Variants in TIAM2 observed in about 807,000 individuals in gnomAD.
TIAM2 encodes rho guanine nucleotide exchange factor TIAM2.
In TIAM2, 80 loss-of-function variants were observed where a neutral mutation model predicts 152.9. That is an observed-to-expected ratio of 0.52 (90% CI 0.44 to 0.63). The LOEUF (loss-of-function observed/expected upper bound fraction) is 0.63, where lower values mean the gene tolerates loss of function less well. Among genes scored for constraint, TIAM2 ranks in the 30% least tolerant of loss-of-function variants. The pLI, the probability that TIAM2 is intolerant of heterozygous loss-of-function variation, is 0.00. For missense variants in TIAM2, 1,965 were observed against 2,120.1 expected (o/e 0.93, Z 1.44); for synonymous variants, 804 against 838.0 (o/e 0.96, Z 0.70).
chr6:155,130,506 G>T, intron 4 of TIAM2, 89 bp downstream of exon 4: 2 of 1,257,026 alleles, frequency 1.6e-6, no homozygotes, highest in East Asian at 2.5e-5. Flanking sequence ...ATAGAGTGTT[G>T]TCGGGGTGCT....
rs796290511 is a variant in TIAM2 at position 155,207,503 on chromosome 6, C to T, written c.3065-3701C>T. 3.3e-5 allele frequency among the ~76,000 whole-genome samples: 5 copies of T among 152,352 alleles called. No individual in the cohort carries two copies. The South Asian group carries it at 1.0e-3, about 32-fold the overall frequency. ...TGGGGGAAACTTGGGCAGTAGAACACCGCTGAGATTTCCTGTCTTGGCGGA... is the reference window on the plus strand; with the variant it reads ...TGGGGGAAACTTGGGCAGTAGAACATCGCTGAGATTTCCTGTCTTGGCGGA... On this transcript the variant is annotated intron_variant, in intron 14 of 26. Coordinates refer to ENST00000682666, the MANE Select transcript of TIAM2 (RefSeq NM_012454.4).
intron 2 of TIAM2, among the ~76,000 whole-genome samples, chr6:155,092,558 A>G (rs1255636850): frequency 1.3e-5 from 2 of 152,162 alleles, no homozygotes; most frequent in Non-Finnish European, 2.9e-5. Flanking sequence ...TATATTCAAT[A>G]TACAAATTAG....
At chr6:155,147,220 A>G (rs1470024928) in intron 6 of TIAM2, among the ~76,000 whole-genome samples, 5 of 117,070 alleles carry the variant, frequency 4.3e-5, no homozygotes, top group African/African-American at 1.6e-4. Flanking sequence ...ATGTAATTTT[A>G]TATCCAGGTT....
At chr6:155,081,364 G>T (rs1037053277) in intron 1 of TIAM2, among the ~76,000 whole-genome samples, 1 of 151,322 alleles carries the variant, frequency 6.6e-6, no homozygotes, top group African/African-American at 2.4e-5. Context: ...ATTGGGAAAG[G>T]GATCATTGGT....
chr6:155,032,697 C>T (rs904925550), intron 1 of TIAM2, among the ~76,000 whole-genome samples: 6 of 152,110 alleles, frequency 3.9e-5, no homozygotes, highest in East Asian at 1.9e-4. Flanking sequence ...CCTGCCACCA[C>T]GCCCAGCTAA....
At chr6:155,057,838 G>A (rs188050123) in intron 1 of TIAM2, among the ~76,000 whole-genome samples, 6 of 152,074 alleles carry the variant, frequency 3.9e-5, no homozygotes, top group South Asian at 4.2e-4. Flanking sequence ...GAGCCACCGC[G>A]CCTGGCCCCA....
chr6:155,180,378 T>C (rs1049209948), intron 12 of TIAM2, among the ~76,000 whole-genome samples: 1 of 152,200 alleles, frequency 6.6e-6, no homozygotes, highest in Non-Finnish European at 1.5e-5. Context: ...GATTAGATAA[T>C]GATTGGTAAA....
intron 1 of TIAM2, among the ~76,000 whole-genome samples, chr6:155,069,208 C>T (rs1430708041): frequency 2.0e-5 from 3 of 152,206 alleles, no homozygotes; most frequent in African/African-American, 4.8e-5. Flanking sequence ...GATTCTCCTG[C>T]TTCAGCCACC....
chr6:155,024,093 A>T (rs1776552394), intron 1 of TIAM2, among the ~76,000 whole-genome samples: 1 of 152,158 alleles, frequency 6.6e-6, no homozygotes, highest in Admixed American at 6.5e-5. Context: ...GGAATTAAGG[A>T]GCTGAGCTGG....
In TIAM2 at chr6:155,214,555, T is replaced by C. The variant is rs1781806650; in HGVS notation, c.3168+3248T>C. Reference sequence around the variant, plus strand: ...TCCAAATTTCTCCTCCCTCTCCTCCTCATTCCTCATGCAAAGCAAATGCTC... The same window carrying C: ...TCCAAATTTCTCCTCCCTCTCCTCCCCATTCCTCATGCAAAGCAAATGCTC... On this transcript the variant is annotated intron_variant, in intron 15 of 26. Coordinates refer to ENST00000682666, the MANE Select transcript of TIAM2 (RefSeq NM_012454.4). This position sits in a 1 kb window ranked among gnomAD's most constrained non-coding sequence, Gnocchi z 5.4. Among the ~76,000 whole-genome samples the C allele has an allele frequency of 1.3e-5, 2 of 152,196 alleles. No homozygotes were observed. Among genetic ancestry groups the C allele is most frequent in the African/African-American group, 2.4e-5 (1 of 41,450 alleles).
intron 21 of TIAM2, chr6:155,250,605 T>C (rs1783597561): frequency 6.5e-7 from 1 of 1,536,106 alleles, no homozygotes; most frequent in South Asian, 1.2e-5. Context: ...AAAGGCACTC[T>C]GGAAGAACCA....
At chr6:155,228,980 T>C (rs1191920960) in intron 15 of TIAM2, among the ~76,000 whole-genome samples, 1 of 152,228 alleles carries the variant, frequency 6.6e-6, no homozygotes, top group Non-Finnish European at 1.5e-5. Context: ...GATTTGCCAC[T>C]TGGGACATGC....
chr6:155,226,208 C>A (rs1031578817), intron 15 of TIAM2, among the ~76,000 whole-genome samples: 11 of 152,338 alleles, frequency 7.2e-5, no homozygotes, highest in African/African-American at 2.6e-4. Flanking sequence ...ATCTTTGATC[C>A]ATGAAACCTG....
chr6:155,066,124 A>G (rs1013701063), intron 1 of TIAM2, among the ~76,000 whole-genome samples: 2 of 150,112 alleles, frequency 1.3e-5, no homozygotes, highest in East Asian at 2.0e-4. Flanking sequence ...GGCCTTCTCC[A>G]CTGAGACGGC....
At chr6:155,136,470 C>T (rs746410636) in intron 4 of TIAM2, among the ~76,000 whole-genome samples, 2 of 151,904 alleles carry the variant, frequency 1.3e-5, no homozygotes, top group Non-Finnish European at 2.9e-5. Flanking sequence ...AGACGGGTTT[C>T]ACCATGTTGG....
chr6:155,016,963 G>C (rs188445021), intron 1 of TIAM2, among the ~76,000 whole-genome samples: 1 of 152,304 alleles, frequency 6.6e-6, no homozygotes, highest in East Asian at 1.9e-4. Context: ...GATATCACCT[G>C]AGCATGAAGG....
intron 2 of TIAM2, among the ~76,000 whole-genome samples, chr6:155,101,856 C>A (rs1778556513): frequency 6.6e-6 from 1 of 152,076 alleles, no homozygotes; most frequent in South Asian, 2.1e-4. Context: ...TGGACACTGC[C>A]ACGCCTGGCT....
At chr6:155,028,215 G>T (rs1306630615) in intron 1 of TIAM2, among the ~76,000 whole-genome samples, 1 of 120,962 alleles carries the variant, frequency 8.3e-6, no homozygotes, top group Admixed American at 9.2e-5. Flanking sequence ...TATATGTACT[G>T]TGTTACATAT....
chr6:155,073,159 CTTTTTT>C lies in TIAM2; in HGVS notation c.-208-17113_-208-17108del, dbSNP rs34459359. Among the ~76,000 whole-genome samples, 6 of 105,342 alleles carry C rather than the reference CTTTTTT, an allele frequency of 5.7e-5. No individual in the cohort carries two copies. In the East Asian group the frequency reaches 1.1e-3, roughly 20 times the overall value. The allele number at this position is 105,342 out of a possible 152,430, so 69.1% of individuals were successfully genotyped here. On this transcript the variant is annotated intron_variant, in intron 1 of 26. Coordinates refer to ENST00000682666, the MANE Select transcript of TIAM2 (RefSeq NM_012454.4). ...TTTCTTGCTTCAGATTGATTAAGTT[CTTTTTT>C]TTTTTTTTTTTTTTTTAGACTAAGT...
Sources: allele counts gnomAD v4.1 joint callset (sites outside exome capture counted in the v4.1 genomes callset), GRCh38; gene constraint gnomAD v4.1.1; non-coding constraint Gnocchi (gnomAD v3.1); transcripts MANE v1.5; gene names NCBI Gene and HGNC (gene_info 2026-07-23, HGNC 2026-07-21).